Variants in DGKB observed in about 807,000 individuals in gnomAD.
DGKB encodes the protein 90 kDa diacylglycerol kinase.
A neutral mutation model predicts 114.3 loss-of-function variants in DGKB; 67 were observed. The ratio of observed to expected loss-of-function variants is 0.59; its 90% CI spans 0.48 to 0.72. DGKB has a LOEUF of 0.72. Among genes scored for constraint, DGKB ranks in the 30% least tolerant of loss-of-function variants. DGKB has a pLI of 0.00. For synonymous variants in DGKB, 398 were observed against 323.1 expected (o/e 1.23, Z -2.49); for missense variants, 907 against 975.2 (o/e 0.93, Z 0.93).
At chr7:14,832,404 T>C (rs1586796143) in intron 2 of DGKB, among the ~76,000 whole-genome samples, 1 of 152,202 alleles carries the variant, frequency 6.6e-6, no homozygotes, top group East Asian at 1.9e-4. Context: ...CTATTTACAC[T>C]GTTTACTTTA....
At chr7:14,673,993 C>G (rs575235970) in intron 12 of DGKB, among the ~76,000 whole-genome samples, 1 of 151,896 alleles carries the variant, frequency 6.6e-6, no homozygotes, top group African/African-American at 2.4e-5. Flanking sequence ...TTAATTTCCA[C>G]AACATACATA....
At chr7:14,668,733 C>G (rs990381223) in intron 13 of DGKB, among the ~76,000 whole-genome samples, 8 of 152,092 alleles carry the variant, frequency 5.3e-5, no homozygotes, top group African/African-American at 1.9e-4. Flanking sequence ...AAATCTATTA[C>G]TGTACCTCAT....
intron 23 of DGKB, among the ~76,000 whole-genome samples, chr7:14,200,359 C>G (rs1414408460): frequency 6.6e-6 from 1 of 151,990 alleles, no homozygotes; most frequent in Non-Finnish European, 1.5e-5. Context: ...TTGGCTACCT[C>G]ATTACCTAGT....
intron 1 of DGKB, among the ~76,000 whole-genome samples, chr7:14,929,782 A>T (rs949517130): frequency 6.6e-6 from 1 of 152,120 alleles, no homozygotes; most frequent in Non-Finnish European, 1.5e-5. Flanking sequence ...GGTCTTAGTT[A>T]TGAATTCTTT....
chr7:14,879,894 A>G (rs1256244105), intron 1 of DGKB, among the ~76,000 whole-genome samples: 1 of 152,166 alleles, frequency 6.6e-6, no homozygotes, highest in African/African-American at 2.4e-5. Flanking sequence ...CTAGTTTTAA[A>G]AAATTATATA....
upstream of DGKB, among the ~76,000 whole-genome samples, chr7:14,908,296 A>G (rs74612839): frequency 6.0e-3 from 914 of 152,106 alleles, 8 homozygotes; most frequent in Non-Finnish European, 1.0e-2. Context: ...ATATCCCATC[A>G]CTCTTTCTAA....
upstream of DGKB, among the ~76,000 whole-genome samples, chr7:14,905,329 G>T (rs1350310115): frequency 6.8e-6 from 1 of 145,992 alleles, no homozygotes; most frequent in Non-Finnish European, 1.5e-5. Flanking sequence ...TACAAGGTTT[G>T]GTAATGGAGG....
At chr7:14,248,355 GTT>G (rs1230914443) in intron 23 of DGKB, among the ~76,000 whole-genome samples, 1 of 152,012 alleles carries the variant, frequency 6.6e-6, no homozygotes, top group Non-Finnish European at 1.5e-5. Flanking sequence ...TTCCATATAA[GTT>G]TTAGGATTGT....
intron 2 of DGKB, among the ~76,000 whole-genome samples, chr7:14,776,180 AT>A (rs1838146399): frequency 1.3e-5 from 2 of 152,206 alleles, no homozygotes; most frequent in African/African-American, 4.8e-5. Flanking sequence ...GATTTAATGT[AT>A]CTGATGGAAA....
chr7:14,356,752 G>C (rs183502105), intron 21 of DGKB, among the ~76,000 whole-genome samples: 1 of 151,996 alleles, frequency 6.6e-6, no homozygotes, highest in Non-Finnish European at 1.5e-5. Context: ...ATAAATTTCC[G>C]TCTACACACT....
At chr7:14,336,044 T>C (rs1810589695) in intron 23 of DGKB, among the ~76,000 whole-genome samples, 1 of 152,212 alleles carries the variant, frequency 6.6e-6, no homozygotes, top group African/African-American at 2.4e-5. Flanking sequence ...ATGCCTGCCC[T>C]ATTGCTGTTT....
chr7:14,341,781 T>A (rs908072599), intron 22 of DGKB, among the ~76,000 whole-genome samples: 1 of 151,902 alleles, frequency 6.6e-6, no homozygotes, highest in African/African-American at 2.4e-5. Flanking sequence ...AAGCTTTATA[T>A]GTGACTTTAG....
chr7:14,499,299 C>G (rs1386997333), intron 20 of DGKB, among the ~76,000 whole-genome samples: 1 of 151,542 alleles, frequency 6.6e-6, no homozygotes, highest in East Asian at 1.9e-4. Flanking sequence ...ATTATTATTG[C>G]TTGAGGCTGA....
At chr7:14,271,278 A>G (rs527257162) in intron 23 of DGKB, among the ~76,000 whole-genome samples, 56 of 152,298 alleles carry the variant, frequency 3.7e-4, no homozygotes, top group Non-Finnish European at 2.9e-5. Context: ...ATAGTGGTCC[A>G]AACTGTGTTG....
intron 21 of DGKB, among the ~76,000 whole-genome samples, chr7:14,418,286 T>C (rs568971850): frequency 2.1e-5 from 3 of 145,570 alleles, no homozygotes; most frequent in Non-Finnish European, 4.5e-5. Context: ...TATATATGTG[T>C]GTATATATAC....
Position 14,631,325 on chromosome 7 carries a change from T to C in DGKB, c.1135-1057A>G, listed in dbSNP as rs538134394. On this transcript the variant is annotated intron_variant, in intron 13 of 25. Transcript: ENST00000402815. ...CTGAGATAGGTAAAACCTGACACCC[T>C]CACAGCTGTGCAGAATAGAGATGGA... 2.0e-5 allele frequency among the ~76,000 whole-genome samples: 3 copies of C among 147,200 alleles called. No individual in the cohort carries two copies. In the South Asian group the frequency reaches 6.6e-4, roughly 32 times the overall value.
chr7:14,703,785 T>G (rs564713282), intron 6 of DGKB, among the ~76,000 whole-genome samples: 2 of 152,300 alleles, frequency 1.3e-5, no homozygotes, highest in African/African-American at 4.8e-5. Context: ...CCTCTCCCAG[T>G]GATTCTGCAT....
chr7:14,919,502 G>A (rs923014471), intron 1 of DGKB, among the ~76,000 whole-genome samples: 10 of 152,110 alleles, frequency 6.6e-5, no homozygotes, highest in Non-Finnish European at 1.3e-4. Context: ...ACAGATTATA[G>A]GAATAAATGT....
At chr7:14,303,104 T>C (rs1349490657) in intron 23 of DGKB, among the ~76,000 whole-genome samples, 2 of 152,162 alleles carry the variant, frequency 1.3e-5, no homozygotes, top group Non-Finnish European at 2.9e-5. Context: ...TTCATATGTG[T>C]CCAGTGCCAG....
Sources: allele counts gnomAD v4.1 joint callset (sites outside exome capture counted in the v4.1 genomes callset), GRCh38; gene constraint gnomAD v4.1.1; transcripts MANE v1.5; gene names NCBI Gene and HGNC (gene_info 2026-07-23, HGNC 2026-07-21).